GGA2: variants seen among roughly 807,000 people sequenced by gnomAD.
GGA2 encodes the protein golgi associated, gamma adaptin ear containing, ARF binding protein 2.
GGA2 carries 48 observed loss-of-function variants against 79.5 expected under a neutral mutation model. That is an observed-to-expected ratio of 0.60 (90% confidence interval 0.48 to 0.77). GGA2 has a LOEUF of 0.77. GGA2 is among the 30% of genes least tolerant of loss of function. GGA2 has a pLI of 0.00. For missense variants in GGA2, 770 were observed against 774.0 expected, an observed-to-expected ratio of 0.99 and a Z score of 0.06; for synonymous variants, 317 against 302.0, an observed-to-expected ratio of 1.05 and a Z score of -0.51.
chr16:23,524,068 C>T (rs1046407778), upstream of GGA2: 9 of 414,494 alleles, frequency 2.2e-5, no homozygotes, highest in Admixed American at 1.2e-4. Flanking sequence ...CTGCACTGTT[C>T]CGGGATGTTA....
At chr16:23,516,288 A>G (rs1034393704) in intron 2 of GGA2, among the ~76,000 whole-genome samples, 1 of 152,164 alleles carries the variant, frequency 6.6e-6, no homozygotes, top group African/African-American at 2.4e-5. Context: ...CTGGGATTAC[A>G]GGCATGAGCC....
intron 1 of GGA2, among the ~76,000 whole-genome samples, chr16:23,503,349 CTT>C (rs1279985464): frequency 2.0e-5 from 3 of 152,144 alleles, no homozygotes; most frequent in Non-Finnish European, 4.4e-5. Flanking sequence ...AGAGTCTACT[CTT>C]TGGTGAATAC....
At position 23,495,697 on chromosome 16, in the gene GGA2, T is replaced by C. The variant is rs1451572168; in HGVS notation, c.173A>G (p.Asn58Ser). Residue 58 changes from asparagine (N) to serine (S), a missense_variant, in exon 2 of 17, where the codon AAT becomes AGT. By Grantham distance (46) the Asn-to-Ser change is conservative (BLOSUM62 1). Transcript: ENST00000309859. ...NFCEQVNTDP[N>S]GPTHAPWLLA... is the part of the protein sequence containing the mutation. ...TGTGTGTGAGAAGTTACCTTACCCA[T>C]TGGGGTCAGTGTTCACCTGCTCACA... The C allele has an allele frequency of 5.1e-6, 8 of 1,578,668 alleles. No individual in the cohort carries two copies. The highest frequency in any genetic ancestry group is 2.2e-5 in the South Asian group (2 of 90,284).
chr16:23,490,994 G>C (rs1964776596), intron 5 of GGA2, among the ~76,000 whole-genome samples: 1 of 152,064 alleles, frequency 6.6e-6, no homozygotes, highest in Non-Finnish European at 1.5e-5. Context: ...AGTAGTTTGA[G>C]ACCAGCGTGG....
chr16:23,467,702 TG>T lies in GGA2; in HGVS notation c.1732-3del, dbSNP rs779086522. On this transcript the variant is annotated splice_region_variant and splice_polypyrimidine_tract_variant and intron_variant, in intron 16 of 16. Coordinates refer to ENST00000309859, the MANE Select transcript of GGA2 (RefSeq NM_015044.4). ...CTTGTACCGTAAGCGGATAGGTTCC[TG>T]GGACAGAAGAGACAGAAGATGTCAA... The T allele has an allele frequency of 4.6e-6, 7 of 1,505,838 alleles. No homozygotes were observed. The highest frequency in any genetic ancestry group is 1.7e-4 in the Middle Eastern group (1 of 5,860). The allele number at this position is 1,505,838 out of a possible 1,614,324, so 93.3% of individuals were successfully genotyped here.
chr16:23,486,038 GGGCCTGCCCT>G lies in GGA2; in HGVS notation c.765_774del (p.Gly256ArgfsTer55). The G allele has an allele frequency of 6.2e-7, 1 of 1,614,182 alleles. No individual in the cohort carries two copies. Among genetic ancestry groups the G allele is most frequent in the Non-Finnish European group, 8.5e-7 (1 of 1,180,002 alleles). On this transcript the variant is annotated frameshift_variant, in exon 8 of 17. Coordinates refer to ENST00000309859, the MANE Select transcript of GGA2 (RefSeq NM_015044.4). LOFTEE classifies it high-confidence loss of function. Reference sequence around the variant, plus strand: ...ACCTGCAGGGCCTCCTGGTCGGGCGGGGCCTGCCCTGGCCTGCGGTACATGCTCAGCATCT... The same window carrying G: ...ACCTGCAGGGCCTCCTGGTCGGGCGGGGCCTGCGGTACATGCTCAGCATCT...
intron 3 of GGA2, 51 bp from the exon 4 acceptor site, chr16:23,493,509 G>T (rs369399289): frequency 6.0e-6 from 7 of 1,169,094 alleles, no homozygotes; most frequent in Admixed American, 1.7e-5. Flanking sequence ...GTGGTCCCAG[G>T]CTCCCCTCCA....
chr16:23,488,347 C>T (rs545686426), intron 6 of GGA2, among the ~76,000 whole-genome samples: 1 of 152,268 alleles, frequency 6.6e-6, no homozygotes, highest in Non-Finnish European at 1.5e-5. Context: ...AAGGCAGGAT[C>T]ACAAACAGAT....
At position 23,478,267 on chromosome 16, in the gene GGA2, C is replaced by G. The variant is rs530247137; in HGVS notation, c.1292+101G>C. 2.5e-5 allele frequency: 19 copies of G among 756,190 alleles called. No individual in the cohort carries two copies. In the East Asian group the frequency reaches 5.0e-4, roughly 20 times the overall value. The allele number at this position is 756,190 out of a possible 1,614,324, so 46.8% of individuals were successfully genotyped here. On this transcript the variant is annotated intron_variant, in intron 13 of 16. Coordinates refer to ENST00000309859, the MANE Select transcript of GGA2 (RefSeq NM_015044.4). ...AAGAAAGAAAGATGTTTCTCCAGGG[C>G]GAGAGGCTGTCTTAGAGCACCATTC... is the stretch of plus-strand genomic sequence containing the variant.
chr16:23,486,794 C>A lies in GGA2; in HGVS notation c.580-4G>T. 1 of 1,587,358 alleles carries A rather than the reference C, an allele frequency of 6.3e-7. No homozygotes were observed. Among genetic ancestry groups the A allele is most frequent in the Non-Finnish European group, 8.7e-7 (1 of 1,155,612 alleles). ...TCTTTAGAAGCCTTGTCAGAAGCTGCAGAGAGTGAACAGGAAGAGTAGGTG... is the reference window on the plus strand; with the variant it reads ...TCTTTAGAAGCCTTGTCAGAAGCTGAAGAGAGTGAACAGGAAGAGTAGGTG... On this transcript the variant is annotated splice_region_variant and splice_polypyrimidine_tract_variant and intron_variant, in intron 6 of 16. Transcript: ENST00000309859.
chr16:23,482,195 T>C (rs865861139), intron 9 of GGA2, among the ~76,000 whole-genome samples: 1 of 151,922 alleles, frequency 6.6e-6, no homozygotes. Flanking sequence ...ACCAGGGAGG[T>C]AGAGGTTGCA....
At chr16:23,497,379 C>A (rs1236052794) in intron 1 of GGA2, among the ~76,000 whole-genome samples, 4 of 152,154 alleles carry the variant, frequency 2.6e-5, no homozygotes, top group African/African-American at 4.8e-5. Context: ...CTGCGCCAAC[C>A]CCACTGCTTC....
At chr16:23,470,825 CTTTTTTTTTT>C (rs36067397) in intron 14 of GGA2, among the ~76,000 whole-genome samples, 25 of 56,144 alleles carry the variant, frequency 4.5e-4, no homozygotes, top group African/African-American at 1.7e-3. Flanking sequence ...GAAATAAATG[CTTTTTTTTTT>C]TTTTTTTTTT....
intron 1 of GGA2, among the ~76,000 whole-genome samples, chr16:23,509,730 G>T (rs1281003698): frequency 7.5e-6 from 1 of 133,866 alleles, no homozygotes; most frequent in East Asian, 2.2e-4. Flanking sequence ...TCTCTTAAAG[G>T]AAAAAAAAAA....
chr16:23,492,196 G>A (rs947683686), intron 4 of GGA2, among the ~76,000 whole-genome samples: 2 of 152,156 alleles, frequency 1.3e-5, no homozygotes, highest in Non-Finnish European at 2.9e-5. Flanking sequence ...ACACTCGCAG[G>A]GTGCACCTGA....
rs377173596 is a variant in GGA2 at position 23,468,981 on chromosome 16, G to T, written c.1636C>A (p.Leu546Met). The T allele has an allele frequency of 2.2e-5, 35 of 1,605,414 alleles. No homozygotes were observed. Among genetic ancestry groups the T allele is most frequent in the Non-Finnish European group, 2.9e-5 (34 of 1,172,164 alleles). Residue 546 changes from leucine (L) to methionine (M), a missense_variant, in exon 16 of 17, where the codon CTG (leucine) becomes ATG (methionine). Leu to Met is a conservative substitution (Grantham distance 15, BLOSUM62 2). Coordinates refer to ENST00000309859, the MANE Select transcript of GGA2 (RefSeq NM_015044.4). ...AGCTTGGAGCTGGATGCCGGCTGCAGCTTCACTCTCATTGACTATCAGGGG... is the reference window on the plus strand; with the variant it reads ...AGCTTGGAGCTGGATGCCGGCTGCATCTTCACTCTCATTGACTATCAGGGG... ...VAVPKSMRVK[L>M]QPASSSKLPA...
chr16:23,469,175 A>G (rs1406071081), intron 15 of GGA2, 179 bp from the exon 16 acceptor site: 1 of 527,594 alleles, frequency 1.9e-6, no homozygotes, highest in South Asian at 2.4e-5. Flanking sequence ...TAATTGATAA[A>G]AGGATCTAAG....
chr16:23,474,946 G>A lies in GGA2; in HGVS notation c.1408C>T (p.Pro470Ser), dbSNP rs774451751. ...LAPSPSSQNT[P>S]LAQVFVPLES... ...AAAGGGACAAACACTTGAGCCAGAG[G>A]TGTATTCTGTGAAGATGGGGAAGGA... The change falls in exon 14 of 17, where the codon CCT (proline) becomes TCT (serine). Residue 470 changes from proline to serine, a missense_variant. By Grantham distance (74) the Pro-to-Ser change is moderately conservative. Transcript: ENST00000309859. The A allele has an allele frequency of 1.2e-6, 2 of 1,613,132 alleles. No homozygotes were observed. The highest frequency in any genetic ancestry group is 3.3e-5 in the Admixed American group (2 of 60,002).
Position 23,495,081 on chromosome 16 carries a change from A to G in GGA2, c.176+613T>C, listed in dbSNP as rs534416754. Among the ~76,000 whole-genome samples the G allele has an allele frequency of 1.7e-4, 14 of 80,216 alleles. No homozygotes were observed. The South Asian group carries it at 5.0e-3, about 29-fold the overall frequency. The allele number at this position is 80,216 out of a possible 152,430, so 52.6% of individuals were successfully genotyped here. ...GTCTTGAGACACTCTGTCTCAGGAAAAAAAAAAAAAGAAAAGAAAAGAAAA... is the reference window on the plus strand; with the variant it reads ...GTCTTGAGACACTCTGTCTCAGGAAGAAAAAAAAAAGAAAAGAAAAGAAAA... On this transcript the variant is annotated intron_variant, in intron 2 of 16. Coordinates refer to ENST00000309859, the MANE Select transcript of GGA2 (RefSeq NM_015044.4).
Sources: allele counts gnomAD v4.1 joint callset (sites outside exome capture counted in the v4.1 genomes callset), GRCh38; gene constraint gnomAD v4.1.1; transcripts MANE v1.5; gene names NCBI Gene and HGNC (gene_info 2026-07-23, HGNC 2026-07-21).